SLC4A10: variants seen among roughly 807,000 people sequenced by gnomAD.
SLC4A10 encodes solute carrier family 4 member 10.
SLC4A10 carries 42 observed loss-of-function variants against 137.7 expected under a neutral mutation model. That is an observed-to-expected ratio of 0.30 (90% CI 0.24 to 0.39). The LOEUF is 0.39. SLC4A10 is among the 10% of genes least tolerant of loss of function. The pLI is 1.00. For synonymous variants in SLC4A10, 474 were observed against 464.1 expected (o/e 1.02, Z -0.27); for missense variants, 925 against 1,355.0 (o/e 0.68, Z 4.98).
chr2:161,952,706 T>C (rs1255245358), intron 19 of SLC4A10, among the ~76,000 whole-genome samples: 1 of 152,186 alleles, frequency 6.6e-6, no homozygotes, highest in Non-Finnish European at 1.5e-5. Flanking sequence ...TTCTTAGATA[T>C]GAATACTTTT....
At position 161,801,473 on chromosome 2, in the gene SLC4A10, C is replaced by CA. The variant is rs202246383; in HGVS notation, c.131-2974dup. Among the ~76,000 whole-genome samples the CA allele has an allele frequency of 5.4e-3, 825 of 152,188 alleles. 19 individuals carry two copies. Among genetic ancestry groups the CA allele is most frequent in the East Asian group, 0.034 (175 of 5,180 alleles). ...CACCTTAGGTGTAGTTGGGACTATG[C>CA]AATATGCCATCACACAGGTAGTACT... On this transcript the variant is annotated intron_variant, in intron 2 of 26. Coordinates refer to ENST00000446997, the MANE Select transcript of SLC4A10 (RefSeq NM_001178015.2).
rs2034891116 is a variant in SLC4A10 at position 161,639,017 on chromosome 2, T to C, written c.48+14451T>C. On this transcript the variant is annotated intron_variant, in intron 1 of 26. Coordinates refer to ENST00000446997, the MANE Select transcript of SLC4A10 (RefSeq NM_001178015.2). ...TTATCAACAACTATACAACAAAAAA[T>C]TGGAAAACCTAGAAGAAATGGATAA... Among the ~76,000 whole-genome samples, 3 of 151,808 alleles carry C rather than the reference T, an allele frequency of 2.0e-5. 1 individual carries two copies. In the South Asian group the frequency reaches 6.2e-4, roughly 32 times the overall value.
chr2:161,663,330 G>T (rs1227777312), intron 1 of SLC4A10, among the ~76,000 whole-genome samples: 1 of 151,862 alleles, frequency 6.6e-6, no homozygotes. Flanking sequence ...TGCTTATTTT[G>T]TATTTACACT....
chr2:161,825,847 A>T (rs1264867348), intron 3 of SLC4A10, among the ~76,000 whole-genome samples: 2 of 152,170 alleles, frequency 1.3e-5, no homozygotes, highest in African/African-American at 4.8e-5. Flanking sequence ...TGTCTGTTTC[A>T]TCTCATGATC....
At chr2:161,966,785 A>G (rs1384572966) in intron 23 of SLC4A10, among the ~76,000 whole-genome samples, 1 of 151,890 alleles carries the variant, frequency 6.6e-6, no homozygotes, top group Non-Finnish European at 1.5e-5. Flanking sequence ...GATAGTCTCT[A>G]TTTCTTTTTA....
chr2:161,938,909 A>C (rs1692124076), intron 15 of SLC4A10, among the ~76,000 whole-genome samples: 1 of 152,112 alleles, frequency 6.6e-6, no homozygotes, highest in Non-Finnish European at 1.5e-5. Context: ...TTATAATTTA[A>C]AGCACCAGTT....
At chr2:161,967,879 T>G (rs1447879068) in intron 23 of SLC4A10, among the ~76,000 whole-genome samples, 1 of 152,072 alleles carries the variant, frequency 6.6e-6, no homozygotes, top group African/African-American at 2.4e-5. Flanking sequence ...TGTGAGCACT[T>G]ATTGTACTAT....
intron 10 of SLC4A10, among the ~76,000 whole-genome samples, chr2:161,890,979 A>C (rs1010679974): frequency 6.6e-6 from 1 of 152,204 alleles, no homozygotes; most frequent in East Asian, 1.9e-4. Flanking sequence ...AGCTCTTGTA[A>C]GGCAGGCCTG....
At chr2:161,767,482 A>T (rs1019515448) in intron 1 of SLC4A10, among the ~76,000 whole-genome samples, 1 of 151,690 alleles carries the variant, frequency 6.6e-6, no homozygotes, top group African/African-American at 2.4e-5. Context: ...CTAAGACAGC[A>T]GTAAACTAAT....
In SLC4A10 at chr2:161,862,976, A is replaced by T. The variant is rs373648693; in HGVS notation, c.680A>T (p.Lys227Ile). 1 of 1,613,842 alleles carries T rather than the reference A, an allele frequency of 6.2e-7. No individual in the cohort carries two copies. The highest frequency in any genetic ancestry group is 8.5e-7 in the Non-Finnish European group (1 of 1,179,870). Reference protein sequence around the residue: ...LMKQHHHQNQKKLTNRIPIVR... With the variant: ...LMKQHHHQNQIKLTNRIPIVR... ...AAACAGCATCATCATCAGAATCAGA[A>T]AAAACTCACCAACAGGATTCCCATT... is the stretch of plus-strand genomic sequence containing the variant. The change falls in exon 6 of 27, where the codon AAA becomes ATA. Residue 227 changes from lysine (K) to isoleucine (I), a missense_variant. Lys to Ile is a moderately radical substitution (Grantham distance 102). Transcript: ENST00000446997.
At chr2:161,758,513 CT>C (rs2049912453) in intron 1 of SLC4A10, among the ~76,000 whole-genome samples, 2 of 151,880 alleles carry the variant, frequency 1.3e-5, no homozygotes, top group Non-Finnish European at 2.9e-5. Context: ...TATCAGGAAA[CT>C]TCTTTCCATC....
At chr2:161,941,418 G>A (rs565716028) in intron 15 of SLC4A10, among the ~76,000 whole-genome samples, 1 of 152,240 alleles carries the variant, frequency 6.6e-6, no homozygotes, top group South Asian at 2.1e-4. Flanking sequence ...TATTCAACCG[G>A]CTATTGGAGG....
chr2:161,756,867 A>G (rs755903800), intron 1 of SLC4A10, among the ~76,000 whole-genome samples: 17 of 152,300 alleles, frequency 1.1e-4, no homozygotes, highest in Middle Eastern at 3.4e-3. Context: ...CAATTAGGGA[A>G]AGATATGAAA....
intron 3 of SLC4A10, 43 bp downstream of exon 3, chr2:161,804,638 A>G (rs1320560295): frequency 1.3e-6 from 2 of 1,530,432 alleles, no homozygotes; most frequent in Non-Finnish European, 1.8e-6. Flanking sequence ...AATTATTGTA[A>G]TATACTTGCT....
At chr2:161,661,008 T>C (rs946448993) in intron 1 of SLC4A10, among the ~76,000 whole-genome samples, 4 of 152,046 alleles carry the variant, frequency 2.6e-5, no homozygotes, top group African/African-American at 7.3e-5. Context: ...GCTTTGATTA[T>C]ATGAATAAGA....
intron 4 of SLC4A10, among the ~76,000 whole-genome samples, chr2:161,850,079 G>A (rs2059742161): frequency 6.6e-6 from 1 of 152,042 alleles, no homozygotes; most frequent in Admixed American, 6.6e-5. Context: ...CATTATTGGT[G>A]TGTTCATGGT....
intron 1 of SLC4A10, among the ~76,000 whole-genome samples, chr2:161,688,231 G>T (rs2041637694): frequency 6.6e-6 from 1 of 152,140 alleles, no homozygotes; most frequent in African/African-American, 2.4e-5. Context: ...CTAGAAATAG[G>T]ATAGAAAAAT....
At chr2:161,734,339 C>T (rs535449624) in intron 1 of SLC4A10, among the ~76,000 whole-genome samples, 4 of 152,230 alleles carry the variant, frequency 2.6e-5, no homozygotes, top group Admixed American at 6.5e-5. Flanking sequence ...CTACTGTTCT[C>T]GTGGTAGTGA....
At chr2:161,869,525 C>A (rs775174852) in intron 6 of SLC4A10, among the ~76,000 whole-genome samples, 1 of 151,344 alleles carries the variant, frequency 6.6e-6, no homozygotes, top group Non-Finnish European at 1.5e-5. Flanking sequence ...ATATATACAG[C>A]AAATAAAATG....
Sources: gnomAD v4.1 joint callset for allele counts (sites outside exome capture counted in the v4.1 genomes callset) on GRCh38, gnomAD v4.1.1 for gene constraint, MANE v1.5 for transcripts, NCBI Gene and HGNC (gene_info 2026-07-23, HGNC 2026-07-21) for gene names.